CYTH3: variants seen among roughly 807,000 people sequenced by gnomAD.
CYTH3 encodes cytohesin 3, also known as cytohesin-3.
A neutral mutation model predicts 55.1 loss-of-function variants in CYTH3; 23 were observed. The observed-to-expected ratio is 0.42, with a 90% CI of 0.30 to 0.59. The LOEUF (loss-of-function observed/expected upper bound fraction) is 0.59. Ranked by LOEUF, CYTH3 falls within the 20% of genes least tolerant of loss-of-function variation. The pLI, the probability that CYTH3 is intolerant of heterozygous loss-of-function variation, is 0.20. For synonymous variants in CYTH3, 249 were observed against 194.9 expected, an observed-to-expected ratio of 1.28 and a Z score of -2.31; for missense variants, 413 against 524.8, an observed-to-expected ratio of 0.79 and a Z score of 2.08.
At chr7:6,172,859 C>T (rs1396275355) in intron 6 of CYTH3, 2 of 1,271,770 alleles carry the variant, frequency 1.6e-6, no homozygotes, top group South Asian at 1.3e-5. Flanking sequence ...GCGCTGTGAG[C>T]ACAACATCAC....
chr7:6,185,681 C>T (rs1562885156), intron 4 of CYTH3, among the ~76,000 whole-genome samples: 1 of 145,278 alleles, frequency 6.9e-6, no homozygotes, highest in Non-Finnish European at 1.5e-5. Flanking sequence ...GCCTGGGCAA[C>T]AGAGTTAGAC....
At chr7:6,179,602 ACCACACACCACACACACACACCCC>A in intron 4 of CYTH3, among the ~76,000 whole-genome samples, 1 of 92,612 alleles carries the variant, frequency 1.1e-5, no homozygotes, top group African/African-American at 6.1e-5. Flanking sequence ...ACACACACAC[ACCACACACCACACACACACACCCC>A]CCACATACAC....
At chr7:6,242,689 G>C (rs1364783599) in intron 1 of CYTH3, among the ~76,000 whole-genome samples, 1 of 152,092 alleles carries the variant, frequency 6.6e-6, no homozygotes, top group Non-Finnish European at 1.5e-5. Context: ...CTCTATGTAG[G>C]TCCAGGATCA....
At chr7:6,252,465 T>C (rs552693748) in intron 1 of CYTH3, among the ~76,000 whole-genome samples, 1 of 152,336 alleles carries the variant, frequency 6.6e-6, no homozygotes, top group Non-Finnish European at 1.5e-5. Context: ...TAGAATGGAA[T>C]TTAAATCAGT....
intron 1 of CYTH3, among the ~76,000 whole-genome samples, chr7:6,193,512 A>C (rs1783852045): frequency 6.6e-6 from 1 of 152,232 alleles, no homozygotes; most frequent in Non-Finnish European, 1.5e-5. Context: ...CTTGAAGCCA[A>C]ACTGGACTAG....
At chr7:6,175,988 G>T (rs558734705) in intron 5 of CYTH3, among the ~76,000 whole-genome samples, 1 of 152,250 alleles carries the variant, frequency 6.6e-6, no homozygotes, top group East Asian at 1.9e-4. Flanking sequence ...ATTTCAATAA[G>T]AAGTACAATA....
intron 4 of CYTH3, among the ~76,000 whole-genome samples, chr7:6,179,245 T>C: frequency 6.6e-6 from 1 of 152,092 alleles, no homozygotes; most frequent in East Asian, 1.9e-4. Flanking sequence ...AGACATGATA[T>C]GGAGCAAAAG....
chr7:6,272,572 G>T lies in CYTH3; in HGVS notation c.-65C>A. ...AGCAGAGGGGCCGCGGGCTGGGGAC[G>T]CCGCCGGAGGGAGCGCGCAGGCGAC... On this transcript the variant is annotated 5_prime_UTR_variant, in exon 1 of 13. Transcript: ENST00000350796. 1 of 1,150,132 alleles carries T rather than the reference G, an allele frequency of 8.7e-7. No homozygotes were observed. 71.2% of individuals were successfully genotyped at this position (1,150,132 alleles called of 1,614,324 possible).
chr7:6,198,918 C>G (rs547205711), intron 1 of CYTH3, among the ~76,000 whole-genome samples: 3 of 152,262 alleles, frequency 2.0e-5, no homozygotes, highest in African/African-American at 7.2e-5. Flanking sequence ...AGACTCAGTT[C>G]TCGTCTGATG....
At chr7:6,176,002 C>G (rs1003586239) in intron 5 of CYTH3, among the ~76,000 whole-genome samples, 3 of 152,110 alleles carry the variant, frequency 2.0e-5, no homozygotes, top group Non-Finnish European at 4.4e-5. Flanking sequence ...TACAATAAAT[C>G]TGTAGATCAG....
intron 1 of CYTH3, among the ~76,000 whole-genome samples, chr7:6,213,407 C>T (rs546249574): frequency 6.6e-6 from 1 of 152,260 alleles, no homozygotes; most frequent in African/African-American, 2.4e-5. Flanking sequence ...AGGAAGATTT[C>T]CACAATTTTG....
rs114977087 is a variant in CYTH3, at chr7:6,200,667, G to C, written c.35-10136C>G. On this transcript the variant is annotated intron_variant, in intron 1 of 12. Transcript: ENST00000350796. ...GCATGGGCTTTGAGCACTAGTCCCAGTTAATCCACTACATGGAAACTCTAC... is the reference window on the plus strand; with the variant it reads ...GCATGGGCTTTGAGCACTAGTCCCACTTAATCCACTACATGGAAACTCTAC... Among the ~76,000 whole-genome samples the C allele has an allele frequency of 7.8e-3, 1,185 of 152,292 alleles. 14 individuals are homozygous for C. The highest frequency in any genetic ancestry group is 0.027 in the African/African-American group (1,137 of 41,552).
At chr7:6,172,760 C>T (rs1448761192) in intron 6 of CYTH3, 11 of 1,256,536 alleles carry the variant, frequency 8.8e-6, no homozygotes, top group Non-Finnish European at 1.1e-5. Context: ...GGATGTACAG[C>T]TTCCAGAAAC....
chr7:6,235,937 A>G (rs1431041327), intron 1 of CYTH3, among the ~76,000 whole-genome samples: 1 of 152,230 alleles, frequency 6.6e-6, no homozygotes, highest in Non-Finnish European at 1.5e-5. Context: ...TAAAGAAATT[A>G]TTTTGAAATG....
intron 1 of CYTH3, among the ~76,000 whole-genome samples, chr7:6,244,799 A>AT (rs1316923942): frequency 3.3e-5 from 5 of 150,700 alleles, no homozygotes; most frequent in Non-Finnish European, 5.9e-5. Flanking sequence ...CTTTTATTTT[A>AT]TTTTTTTGAG....
At chr7:6,185,934 A>C (rs1783632569) in intron 4 of CYTH3, among the ~76,000 whole-genome samples, 2 of 151,910 alleles carry the variant, frequency 1.3e-5, no homozygotes, top group African/African-American at 2.4e-5. Context: ...CAGAAAAGCA[A>C]GGGGAACGTT....
chr7:6,178,299 G>T (rs1783398161), intron 4 of CYTH3, among the ~76,000 whole-genome samples: 1 of 152,232 alleles, frequency 6.6e-6, no homozygotes, highest in African/African-American at 2.4e-5. Context: ...AAACTTTGTG[G>T]GTGGTGGCCA....
At chr7:6,186,295 G>T (rs10241174) in intron 4 of CYTH3, among the ~76,000 whole-genome samples, 21,317 of 149,894 alleles carry the variant, frequency 0.14, 2,877 homozygotes, top group African/African-American at 0.35. Flanking sequence ...CACAGGAGTG[G>T]CGTGAACCAG....
At chr7:6,248,156 C>T (rs1779868641) in intron 1 of CYTH3, among the ~76,000 whole-genome samples, 1 of 149,682 alleles carries the variant, frequency 6.7e-6, no homozygotes. Context: ...AAATTATATC[C>T]CCCTCCTATT....
Sources: allele counts gnomAD v4.1 joint callset (sites outside exome capture counted in the v4.1 genomes callset), GRCh38; gene constraint gnomAD v4.1.1; transcripts MANE v1.5; gene names NCBI Gene and HGNC (gene_info 2026-07-23, HGNC 2026-07-21).